Variants in ERC2 observed in about 807,000 individuals in gnomAD.
ERC2 encodes ERC protein 2.
A neutral mutation model predicts 114.8 loss-of-function variants in ERC2; 42 were observed. That is an observed-to-expected ratio of 0.37 (90% CI 0.29 to 0.47). ERC2 has a LOEUF of 0.47. Ranked by LOEUF, ERC2 falls within the 20% of genes least tolerant of loss-of-function variation. The pLI is 0.99. For missense variants in ERC2, 939 were observed against 1,150.7 expected (o/e 0.82, Z 2.66); for synonymous variants, 454 against 425.5 (o/e 1.07, Z -0.82).
intron 6 of ERC2, among the ~76,000 whole-genome samples, chr3:56,099,635 G>A (rs991168648): frequency 3.3e-5 from 5 of 152,190 alleles, no homozygotes; most frequent in African/African-American, 4.8e-5. Flanking sequence ...ACAGGACACC[G>A]AGGGGCCATG....
At position 56,370,587 on chromosome 3, in the gene ERC2, G is replaced by GT. The variant is rs1404693067; in HGVS notation, c.657+63763dup. On this transcript the variant is annotated intron_variant, in intron 2 of 17. Coordinates refer to ENST00000288221, the MANE Select transcript of ERC2 (RefSeq NM_015576.3). ...GTTTGTTTTTTGGGTTTTGGTGGGG[G>GT]TTTTTTTGTTTTTTTTTTTTTTTTT... Among the ~76,000 whole-genome samples the GT allele has an allele frequency of 5.5e-4, 76 of 138,408 alleles. 1 individual carries two copies. Among genetic ancestry groups the GT allele is most frequent in the African/African-American group, 1.7e-3 (64 of 36,598 alleles). The allele number at this position is 138,408 out of a possible 152,430, so 90.8% of individuals were successfully genotyped here.
chr3:55,698,817 G>A (rs917198606), intron 16 of ERC2, among the ~76,000 whole-genome samples: 3 of 152,116 alleles, frequency 2.0e-5, no homozygotes, highest in Non-Finnish European at 2.9e-5. Flanking sequence ...AACCACAGGC[G>A]GTTTTTGTTT....
chr3:55,924,485 T>A (rs2065634977), intron 13 of ERC2, among the ~76,000 whole-genome samples: 1 of 152,154 alleles, frequency 6.6e-6, no homozygotes, highest in African/African-American at 2.4e-5. Context: ...AGGGGCCTTT[T>A]TACTCTTTGT....
At chr3:56,373,306 C>G (rs1190552376) in intron 2 of ERC2, among the ~76,000 whole-genome samples, 2 of 152,148 alleles carry the variant, frequency 1.3e-5, no homozygotes, top group African/African-American at 2.4e-5. Flanking sequence ...ATCACACTAC[C>G]ATTTGTGTGT....
intron 13 of ERC2, among the ~76,000 whole-genome samples, chr3:55,948,005 T>G (rs1471668901): frequency 2.0e-5 from 3 of 152,236 alleles, no homozygotes; most frequent in African/African-American, 7.2e-5. Flanking sequence ...GTAAAATATT[T>G]CGTACTGTGC....
At chr3:55,873,603 T>A (rs1306166973) in intron 14 of ERC2, among the ~76,000 whole-genome samples, 3 of 152,228 alleles carry the variant, frequency 2.0e-5, no homozygotes, top group Non-Finnish European at 4.4e-5. Context: ...CCCTGGGTGG[T>A]CTGGCCTCTG....
intron 17 of ERC2, among the ~76,000 whole-genome samples, chr3:55,515,673 C>T (rs1480848545): frequency 1.3e-5 from 2 of 150,248 alleles, no homozygotes; most frequent in African/African-American, 4.9e-5. Context: ...GGGACTGCTG[C>T]TCTTGACTTG....
Position 55,799,434 on chromosome 3 carries a change from G to T in ERC2, c.2565-64516C>A, listed in dbSNP as rs1227550065. 1.1e-4 allele frequency among the ~76,000 whole-genome samples: 9 copies of T among 81,720 alleles called. No homozygotes were observed. The East Asian group carries it at 2.1e-3, about 19-fold the overall frequency. 53.6% of individuals were successfully genotyped at this position (81,720 alleles called of 152,430 possible). ...GCCTTATATATATGCATATATATAT[G>T]CCTTATATATATATGCATATATATA... On this transcript the variant is annotated intron_variant, in intron 14 of 17. Transcript: ENST00000288221.
intron 17 of ERC2, among the ~76,000 whole-genome samples, chr3:55,565,506 C>T (rs574909773): frequency 1.3e-5 from 2 of 152,026 alleles, no homozygotes; most frequent in Non-Finnish European, 2.9e-5. Flanking sequence ...ATCCACGTTC[C>T]ACCTCTGCAT....
At chr3:55,934,227 C>A (rs1414415554) in intron 13 of ERC2, among the ~76,000 whole-genome samples, 1 of 152,152 alleles carries the variant, frequency 6.6e-6, no homozygotes, top group East Asian at 1.9e-4. Flanking sequence ...ATTTTTCTCC[C>A]AGTCAGTGCA....
At chr3:55,558,981 C>T (rs1456220618) in intron 17 of ERC2, among the ~76,000 whole-genome samples, 2 of 152,232 alleles carry the variant, frequency 1.3e-5, no homozygotes, top group Non-Finnish European at 2.9e-5. Flanking sequence ...GTTAGTCCCA[C>T]AGCAAGGTCT....
At chr3:55,558,806 C>T (rs1387749778) in intron 17 of ERC2, among the ~76,000 whole-genome samples, 1 of 152,150 alleles carries the variant, frequency 6.6e-6, no homozygotes, top group Admixed American at 6.5e-5. Flanking sequence ...GCTAGATCTC[C>T]CAAGTACAGA....
intron 15 of ERC2, among the ~76,000 whole-genome samples, chr3:55,719,090 C>A (rs13081380): frequency 0.27 from 41,258 of 151,994 alleles, 6,763 homozygotes; most frequent in South Asian, 0.4. Context: ...GAATTAAGCC[C>A]TGAGAATTTA....
At chr3:56,003,598 CG>C in intron 10 of ERC2, among the ~76,000 whole-genome samples, 1 of 152,080 alleles carries the variant, frequency 6.6e-6, no homozygotes, top group Non-Finnish European at 1.5e-5. Context: ...ATTTTCTATT[CG>C]GTCTATCTTC....
intron 14 of ERC2, among the ~76,000 whole-genome samples, chr3:55,831,122 C>T (rs1012928476): frequency 1.2e-4 from 17 of 142,208 alleles, no homozygotes; most frequent in African/African-American, 4.0e-4. Flanking sequence ...GCCTAGGCAA[C>T]ATGACAAGAC....
chr3:56,400,800 C>A lies in ERC2; in HGVS notation c.657+33551G>T, dbSNP rs189232851. On this transcript the variant is annotated intron_variant, in intron 2 of 17. Transcript: ENST00000288221. ...ATTTTAGTCTGATACGTAAGTGGAA[C>A]ATCAATCAAATATCAAAAGAGAAGA... Among the ~76,000 whole-genome samples, 17 of 152,288 alleles carry A rather than the reference C, an allele frequency of 1.1e-4. No homozygotes were observed. In the East Asian group the frequency reaches 3.1e-3, roughly 28 times the overall value.
At chr3:56,148,899 A>G in intron 5 of ERC2, 78 bp downstream of exon 5, 1 of 1,329,106 alleles carries the variant, frequency 7.5e-7, no homozygotes, top group Non-Finnish European at 1.0e-6. Context: ...TATATGGAGT[A>G]TTTGGAAAAA....
chr3:56,146,693 G>A (rs73078494), intron 5 of ERC2, among the ~76,000 whole-genome samples: 7,668 of 152,072 alleles, frequency 0.05, 194 homozygotes, highest in Middle Eastern at 0.078. Context: ...TGGTGCTGTC[G>A]CCCCTATTTT....
intron 15 of ERC2, among the ~76,000 whole-genome samples, chr3:55,710,545 C>A (rs1281518214): frequency 6.6e-6 from 1 of 151,624 alleles, no homozygotes; most frequent in Non-Finnish European, 1.5e-5. Context: ...TTTCAAAAAA[C>A]ACTTTCTCTT....
Sources: allele counts gnomAD v4.1 joint callset (sites outside exome capture counted in the v4.1 genomes callset), GRCh38; gene constraint gnomAD v4.1.1; transcripts MANE v1.5; gene names NCBI Gene and HGNC (gene_info 2026-07-23, HGNC 2026-07-21).